The following CALN1 variants were observed in gnomAD, a reference collection of about 807,000 sequenced individuals.
The protein encoded by CALN1 is calcium-binding protein 8.
CALN1 carries 17 observed loss-of-function variants against 30.6 expected under a neutral mutation model. That is an observed-to-expected ratio of 0.56 (90% CI 0.38 to 0.83). The LOEUF (loss-of-function observed/expected upper bound fraction) is 0.83, where lower values mean the gene tolerates loss of function less well. Among genes scored for constraint, CALN1 ranks in the 40% least tolerant of loss-of-function variants. The pLI is 0.00. For missense variants in CALN1, 291 were observed against 354.9 expected, an observed-to-expected ratio of 0.82 and a Z score of 1.45; for synonymous variants, 156 against 131.4, an observed-to-expected ratio of 1.19 and a Z score of -1.28.
chr7:72,036,152 A>AT (rs1801783328), intron 4 of CALN1, among the ~76,000 whole-genome samples: 1 of 152,006 alleles, frequency 6.6e-6, no homozygotes, highest in South Asian at 2.1e-4. Context: ...TTCTTTTATC[A>AT]TTTTGAACAT....
At chr7:72,297,159 T>C (rs1798923234) in intron 2 of CALN1, among the ~76,000 whole-genome samples, 1 of 152,194 alleles carries the variant, frequency 6.6e-6, no homozygotes, top group East Asian at 1.9e-4. Flanking sequence ...AGAACATCTT[T>C]ATTTCTGCCT....
At chr7:71,954,767 A>C (rs1796871639) in intron 5 of CALN1, among the ~76,000 whole-genome samples, 1 of 152,234 alleles carries the variant, frequency 6.6e-6, no homozygotes, top group Non-Finnish European at 1.5e-5. Flanking sequence ...AATGAAAATC[A>C]AGACAGAGTA....
chr7:71,872,896 G>A (rs551194457), intron 5 of CALN1, among the ~76,000 whole-genome samples: 4 of 151,992 alleles, frequency 2.6e-5, no homozygotes, highest in African/African-American at 9.7e-5. Flanking sequence ...TTACAAGCAT[G>A]AGCCACGGCG....
At chr7:72,265,557 G>A (rs560484498) in intron 3 of CALN1, among the ~76,000 whole-genome samples, 37 of 152,194 alleles carry the variant, frequency 2.4e-4, no homozygotes, top group Admixed American at 8.5e-4. Context: ...GGGGGAGCAC[G>A]ATGGGGCTTA....
At chr7:72,390,263 T>C (rs1805496673) in intron 2 of CALN1, among the ~76,000 whole-genome samples, 1 of 151,652 alleles carries the variant, frequency 6.6e-6, no homozygotes, top group South Asian at 2.1e-4. Flanking sequence ...ACACCACCTC[T>C]ACTAAAAATA....
chr7:72,062,191 A>T (rs372473522), intron 4 of CALN1, among the ~76,000 whole-genome samples: 5 of 152,328 alleles, frequency 3.3e-5, no homozygotes, highest in African/African-American at 9.6e-5. Flanking sequence ...TCTAAAAAAA[A>T]TTTTAAAGGA....
chr7:72,268,529 A>T (rs537126649), intron 3 of CALN1, among the ~76,000 whole-genome samples: 16 of 152,278 alleles, frequency 1.1e-4, no homozygotes, highest in African/African-American at 3.8e-4. Context: ...TAACAGGATG[A>T]GCATGGTGGC....
intron 5 of CALN1, among the ~76,000 whole-genome samples, chr7:71,966,825 T>C (rs891109305): frequency 3.9e-5 from 6 of 152,204 alleles, no homozygotes; most frequent in African/African-American, 1.2e-4. Flanking sequence ...GTTCTTCTCT[T>C]CCAGAAAATT....
At chr7:72,419,566 C>G (rs914248781) in intron 1 of CALN1, among the ~76,000 whole-genome samples, 4 of 152,090 alleles carry the variant, frequency 2.6e-5, no homozygotes, top group African/African-American at 7.2e-5. Context: ...TAGAGTCATC[C>G]TGATATAGAA....
rs533944526 is a variant in CALN1, at chr7:72,385,257, C to T, written c.119+17994G>A. On this transcript the variant is annotated intron_variant, in intron 2 of 6. Transcript: ENST00000395275. ...TTTAGAAGTTTCTTACAAGGCTAAA[C>T]GTTAATCTTATCACATGATTCAGCA... Among the ~76,000 whole-genome samples the T allele has an allele frequency of 6.0e-4, 91 of 152,260 alleles. 2 individuals carry two copies. In the South Asian group the frequency reaches 0.015, roughly 25 times the overall value.
chr7:71,983,171 G>A (rs766635414), intron 5 of CALN1, among the ~76,000 whole-genome samples: 2 of 152,200 alleles, frequency 1.3e-5, no homozygotes, highest in Non-Finnish European at 2.9e-5. Context: ...CTTCTCTCTC[G>A]AGAAGAGCAA....
intron 2 of CALN1, among the ~76,000 whole-genome samples, chr7:72,312,566 C>T (rs1258281673): frequency 6.6e-6 from 1 of 151,992 alleles, no homozygotes; most frequent in Non-Finnish European, 1.5e-5. Flanking sequence ...ACCTAGAGAT[C>T]CTCGTGCTAG....
At chr7:72,124,476 T>A (rs1425125359) in intron 3 of CALN1, among the ~76,000 whole-genome samples, 5 of 151,984 alleles carry the variant, frequency 3.3e-5, no homozygotes, top group African/African-American at 1.2e-4. Flanking sequence ...CCCGTTTCTA[T>A]AAAGAATTTT....
At chr7:72,174,174 T>C (rs370529698) in intron 3 of CALN1, among the ~76,000 whole-genome samples, 3 of 152,050 alleles carry the variant, frequency 2.0e-5, no homozygotes, top group African/African-American at 7.2e-5. Context: ...AAAAGGCAAA[T>C]AGAAACAACA....
intron 3 of CALN1, among the ~76,000 whole-genome samples, chr7:72,118,676 A>G (rs1043326515): frequency 1.3e-5 from 2 of 152,056 alleles, no homozygotes; most frequent in African/African-American, 4.8e-5. Context: ...GCCAAAAGGA[A>G]AATGAGTGGA....
At chr7:72,124,916 T>C (rs546814565) in intron 3 of CALN1, among the ~76,000 whole-genome samples, 3 of 152,106 alleles carry the variant, frequency 2.0e-5, no homozygotes, top group African/African-American at 4.8e-5. Flanking sequence ...TATGCAAAAA[T>C]TACATAAAAA....
At chr7:72,257,436 G>T (rs2129552534) in intron 3 of CALN1, among the ~76,000 whole-genome samples, 1 of 147,794 alleles carries the variant, frequency 6.8e-6, no homozygotes, top group Admixed American at 6.7e-5. Context: ...TGTAAGAATG[G>T]CCACAATTTT....
chr7:72,174,939 T>TTTGAGATGGAG (rs1789237602), intron 3 of CALN1, among the ~76,000 whole-genome samples: 1 of 151,418 alleles, frequency 6.6e-6, no homozygotes, highest in South Asian at 2.1e-4. Flanking sequence ...TTTTTTTTTT[T>TTTGAGATGGAG]TGAGACGGAG....
chr7:72,448,478 T>C (rs1284458905), upstream of CALN1, among the ~76,000 whole-genome samples: 1 of 152,114 alleles, frequency 6.6e-6, no homozygotes, highest in Middle Eastern at 3.2e-3. Flanking sequence ...CAGCTGCTGG[T>C]CCCTTTGTGA....
Sources: gnomAD v4.1 joint callset for allele counts (sites outside exome capture counted in the v4.1 genomes callset) on GRCh38, gnomAD v4.1.1 for gene constraint, MANE v1.5 for transcripts, NCBI Gene and HGNC (gene_info 2026-07-23, HGNC 2026-07-21) for gene names.